Variants in DNAH7 observed in about 807,000 individuals in gnomAD.
The protein encoded by DNAH7 is axonemal beta dynein heavy chain 7.
DNAH7 carries 397 observed loss-of-function variants against 444.6 expected under a neutral mutation model. The ratio of observed to expected loss-of-function variants is 0.89; its 90% CI spans 0.82 to 0.97. DNAH7 has a LOEUF of 0.97. Among genes scored for constraint, DNAH7 ranks in the 50% least tolerant of loss-of-function variants. The pLI is 0.00. For missense variants in DNAH7, 4,902 were observed against 4,800.8 expected, an observed-to-expected ratio of 1.02 and a Z score of -0.62; for synonymous variants, 1,636 against 1,624.4, an observed-to-expected ratio of 1.01 and a Z score of -0.17.
At chr2:195,985,802 C>G (rs759167143) in intron 14 of DNAH7, among the ~76,000 whole-genome samples, 8 of 152,106 alleles carry the variant, frequency 5.3e-5, no homozygotes, top group Non-Finnish European at 8.8e-5. Flanking sequence ...TTTCACTATT[C>G]TTCTAGTTCT....
At position 195,946,048 on chromosome 2, in the gene DNAH7, C is replaced by G. The variant is rs143066472; in HGVS notation, c.3079-9256G>C. Among the ~76,000 whole-genome samples the G allele has an allele frequency of 9.2e-5, 14 of 152,160 alleles. No homozygotes were observed. In the East Asian group the frequency reaches 1.5e-3, roughly 17 times the overall value. On this transcript the variant is annotated intron_variant, in intron 19 of 64. Coordinates refer to ENST00000312428, the MANE Select transcript of DNAH7 (RefSeq NM_018897.3). ...TCCTAGCTGGAGATCTGGTCAGTCACCCGGTGTGCTGAACTGCTCCAATGC... is the reference window on the plus strand; with the variant it reads ...TCCTAGCTGGAGATCTGGTCAGTCAGCCGGTGTGCTGAACTGCTCCAATGC...
At chr2:195,813,400 G>A (rs1697064477) in intron 51 of DNAH7, among the ~76,000 whole-genome samples, 1 of 152,104 alleles carries the variant, frequency 6.6e-6, no homozygotes, top group African/African-American at 2.4e-5. Flanking sequence ...TTATGACCCA[G>A]TAATGTCTTT....
chr2:195,928,852 T>C (rs1457914143), intron 21 of DNAH7, among the ~76,000 whole-genome samples: 1 of 151,828 alleles, frequency 6.6e-6, no homozygotes, highest in Non-Finnish European at 1.5e-5. Context: ...TAAATATAAA[T>C]TAACTGGAAG....
At chr2:195,959,967 T>C (rs1574887360) in intron 18 of DNAH7, among the ~76,000 whole-genome samples, 1 of 152,226 alleles carries the variant, frequency 6.6e-6, no homozygotes, top group South Asian at 2.1e-4. Flanking sequence ...TGGATGTTGA[T>C]TGTCCACTGT....
chr2:196,063,805 G>C (rs1269123802), intron 1 of DNAH7: 1 of 152,214 alleles, frequency 6.6e-6, no homozygotes, highest in African/African-American at 2.4e-5. Flanking sequence ...AAGGCACTTG[G>C]CCAAAATGCA....
intron 40 of DNAH7, among the ~76,000 whole-genome samples, chr2:195,867,793 G>T (rs1700432458): frequency 6.6e-6 from 1 of 152,158 alleles, no homozygotes; most frequent in South Asian, 2.1e-4. Context: ...CAATTCCACA[G>T]TATGTATTTA....
Position 196,068,804 on chromosome 2 carries a change from A to G in DNAH7, c.-93T>C. On this transcript the variant is annotated 5_prime_UTR_variant, in exon 1 of 65. Coordinates refer to ENST00000312428, the MANE Select transcript of DNAH7 (RefSeq NM_018897.3). ...ATAGAGGCAGGGCCCCGGGACTTGC[A>G]GCGGTCTCAGCTCCCTCCGCACCAG... is the stretch of plus-strand genomic sequence containing the variant. The G allele has an allele frequency of 2.7e-6, 4 of 1,481,398 alleles. No individual in the cohort carries two copies. The South Asian group carries it at 5.0e-5, about 18-fold the overall frequency. 91.8% of individuals were successfully genotyped at this position (1,481,398 alleles called of 1,614,324 possible).
In DNAH7 at chr2:195,988,106, G is replaced by C. The variant is rs776993382; in HGVS notation, c.1477C>G (p.Leu493Val). ...ESVAPTEHLR[L>V]YDKYDFLITR... ...ATTAAAAAGTCATACTTGTCATAGA[G>C]TCTGAGGTGCTCAGTAGGTGCCACA... The change falls in exon 13 of 65, where the codon CTC (leucine) becomes GTC (valine). Residue 493 changes from leucine (L) to valine (V), a missense_variant. By Grantham distance (32) the Leu-to-Val change is conservative. Coordinates refer to ENST00000312428, the MANE Select transcript of DNAH7 (RefSeq NM_018897.3). 6.2e-7 allele frequency: 1 copy of C among 1,613,760 alleles called. No individual in the cohort carries two copies. Among genetic ancestry groups the C allele is most frequent in the South Asian group, 1.1e-5 (1 of 91,052 alleles).
intron 8 of DNAH7, among the ~76,000 whole-genome samples, chr2:196,023,948 G>C (rs1410345420): frequency 1.3e-5 from 2 of 152,156 alleles, no homozygotes; most frequent in Non-Finnish European, 2.9e-5. Flanking sequence ...ACTGGTTGGT[G>C]GAGGAGTCAG....
chr2:195,959,635 T>C (rs892659736), intron 18 of DNAH7, among the ~76,000 whole-genome samples: 2 of 152,210 alleles, frequency 1.3e-5, no homozygotes, highest in Admixed American at 1.3e-4. Flanking sequence ...AGTCTGATTT[T>C]GATGGACTCT....
In DNAH7 at chr2:195,859,232, G is replaced by A. The variant is rs574411335; in HGVS notation, c.7737-428C>T. ...GTGCTCAAAATATATTATTTTGAAT[G>A]TTTCCAAATGTGAAAAAATGATTTT... On this transcript the variant is annotated intron_variant, in intron 42 of 64. Transcript: ENST00000312428. 3.3e-5 allele frequency among the ~76,000 whole-genome samples: 5 copies of A among 152,220 alleles called. No homozygotes were observed. The South Asian group carries it at 1.0e-3, about 32-fold the overall frequency.
chr2:195,884,520 T>G, intron 35 of DNAH7, 65 bp downstream of exon 35: 1 of 1,187,766 alleles, frequency 8.4e-7, no homozygotes, highest in Non-Finnish European at 1.3e-6. Flanking sequence ...GGCCATTATA[T>G]GCTATGTGTC....
In DNAH7 at chr2:195,876,714, A is replaced by G. The variant is rs1701083881; in HGVS notation, c.5962-15T>C. 1.3e-6 allele frequency: 2 copies of G among 1,502,710 alleles called. No homozygotes were observed. The highest frequency in any genetic ancestry group is 2.8e-5 in the African/African-American group (2 of 71,062). The allele number at this position is 1,502,710 out of a possible 1,614,324, so 93.1% of individuals were successfully genotyped here. A position where few individuals can be genotyped will look rare whatever the true frequency, so the allele number is the denominator to read the frequency against. ...AAAAGAAAATTCTATATAACAAAAT[A>G]ATAAAATGAGCCATAGTTGGAATTA... On this transcript the variant is annotated splice_polypyrimidine_tract_variant and intron_variant, in intron 36 of 64. Coordinates refer to ENST00000312428, the MANE Select transcript of DNAH7 (RefSeq NM_018897.3).
chr2:195,986,619 G>C (rs1692929246), intron 14 of DNAH7, among the ~76,000 whole-genome samples: 1 of 152,090 alleles, frequency 6.6e-6, no homozygotes, highest in Admixed American at 6.6e-5. Flanking sequence ...CCCTAGGTTA[G>C]TCACAAATGA....
At chr2:195,810,309 T>C (rs1213125091) in intron 51 of DNAH7, among the ~76,000 whole-genome samples, 2 of 152,230 alleles carry the variant, frequency 1.3e-5, no homozygotes, top group Admixed American at 6.5e-5. Flanking sequence ...TCATTATAAA[T>C]TCATAAAAGC....
chr2:196,053,192 G>C (rs771321414), intron 2 of DNAH7, among the ~76,000 whole-genome samples: 16 of 152,194 alleles, frequency 1.1e-4, no homozygotes, highest in Non-Finnish European at 2.2e-4. Flanking sequence ...GGTTATGTTT[G>C]AATAGGAACC....
At position 195,853,507 on chromosome 2, in the gene DNAH7, G is replaced by A. The variant is rs746255020; in HGVS notation, c.8617C>T (p.Leu2873=). The change falls in exon 46 of 65, where the codon CTA becomes TTA. Residue 2873 remains leucine (L), a synonymous_variant. Coordinates refer to ENST00000312428, the MANE Select transcript of DNAH7 (RefSeq NM_018897.3). ...ENQVDLCSKK[L]ERAEQLIGGL... ...CCAATCAACTGTTCAGCTCGTTCTA[G>A]TTTTTTGCTGCAAAGGTCAACCTCG... The A allele has an allele frequency of 2.5e-6, 4 of 1,609,188 alleles. No individual in the cohort carries two copies. Among genetic ancestry groups the A allele is most frequent in the Non-Finnish European group, 3.4e-6 (4 of 1,177,554 alleles).
intron 5 of DNAH7, among the ~76,000 whole-genome samples, chr2:196,028,708 G>A (rs1044856877): frequency 6.6e-6 from 1 of 152,134 alleles, no homozygotes; most frequent in African/African-American, 2.4e-5. Context: ...GTTGTTGTGG[G>A]ATAGCTTTAA....
In DNAH7 at chr2:195,889,060, A is replaced by G. The variant is rs879244623; in HGVS notation, c.5047-79T>C. 4 of 1,324,726 alleles carry G rather than the reference A, an allele frequency of 3.0e-6. No individual in the cohort carries two copies. In the South Asian group the frequency reaches 5.5e-5, roughly 18 times the overall value. The allele number at this position is 1,324,726 out of a possible 1,614,324, so 82.1% of individuals were successfully genotyped here. A position where few individuals can be genotyped will look rare whatever the true frequency, so the allele number is the denominator to read the frequency against. On this transcript the variant is annotated intron_variant, in intron 31 of 64. Transcript: ENST00000312428. ...GAAACAGTTCAATAATATTATTTCA[A>G]AATTTTAAAATATAAGTACTAGGAT... is the stretch of plus-strand genomic sequence containing the variant.
Sources: gnomAD v4.1 joint callset for allele counts (sites outside exome capture counted in the v4.1 genomes callset) on GRCh38, gnomAD v4.1.1 for gene constraint, MANE v1.5 for transcripts, NCBI Gene and HGNC (gene_info 2026-07-23, HGNC 2026-07-21) for gene names.